Variants in RMST observed in about 807,000 individuals in gnomAD.
RMST encodes long intergenic non-protein coding RNA 54.
rs185483993 is a variant in RMST, at chr12:97,521,494, T to C, written n.1341-9161T>C. ...ATTTAGGAAATATCAGAATACATTT[T>C]TTCCTTAGTTACACTGAGATATAAA... is the stretch of plus-strand genomic sequence containing the variant. On this transcript the variant is annotated intron_variant and non_coding_transcript_variant, in intron 10 of 13. Transcript: ENST00000640149. Among the ~76,000 whole-genome samples, 9 of 152,310 alleles carry C rather than the reference T, an allele frequency of 5.9e-5. No homozygotes were observed. The East Asian group carries it at 1.7e-3, about 29-fold the overall frequency.
exon 14 of RMST, chr12:97,564,511 T>A (rs1884388157): frequency 6.6e-6 from 1 of 152,592 alleles, no homozygotes; most frequent in Non-Finnish European, 1.5e-5. Context: ...GGGCAAATGA[T>A]ATAAACTCTA....
intron 11 of RMST, among the ~76,000 whole-genome samples, chr12:97,532,347 T>C (rs117482844): frequency 0.029 from 4,358 of 152,046 alleles, 131 homozygotes; most frequent in Non-Finnish European, 0.037. Context: ...AAATATTTCC[T>C]CTGTTATTCA....
chr12:97,507,287 T>TA (rs143392654), intron 10 of RMST, among the ~76,000 whole-genome samples: 77 of 145,556 alleles, frequency 5.3e-4, no homozygotes, highest in Admixed American at 2.3e-3. Context: ...TTTTTTTTTT[T>TA]AAAAAAAAAA....
At chr12:97,561,984 G>A (rs766530553) in intron 13 of RMST, among the ~76,000 whole-genome samples, 12 of 152,036 alleles carry the variant, frequency 7.9e-5, no homozygotes, top group Non-Finnish European at 1.2e-4. Context: ...AAGGCATTTT[G>A]AGTGCCCTCC....
Position 97,496,956 on chromosome 12 carries a change from T to C in RMST, n.1340+900T>C, listed in dbSNP as rs1877498604. ...AGTTCTGAGATGTGTCAGATGACAG[T>C]GATAATATCATAACTCATTTTATGA... On this transcript the variant is annotated intron_variant and non_coding_transcript_variant, in intron 10 of 13. Coordinates refer to ENST00000640149, the Ensembl canonical transcript of RMST. Among the ~76,000 whole-genome samples the C allele has an allele frequency of 2.6e-5, 4 of 152,284 alleles. No individual in the cohort carries two copies. The South Asian group carries it at 8.3e-4, about 32-fold the overall frequency.
At chr12:97,511,054 A>G (rs1879231514) in intron 10 of RMST, among the ~76,000 whole-genome samples, 1 of 151,992 alleles carries the variant, frequency 6.6e-6, no homozygotes, top group Admixed American at 6.5e-5. Flanking sequence ...TTGTGTTATT[A>G]TTTTTGTTTG....
intron 11 of RMST, among the ~76,000 whole-genome samples, chr12:97,550,069 A>G (rs1352750053): frequency 3.9e-5 from 6 of 152,228 alleles, no homozygotes; most frequent in Non-Finnish European, 8.8e-5. Flanking sequence ...AGAATATCAA[A>G]TGGTATCATT....
intron 13 of RMST, among the ~76,000 whole-genome samples, chr12:97,562,930 G>C (rs979632277): frequency 2.6e-5 from 4 of 152,186 alleles, no homozygotes; most frequent in Admixed American, 6.5e-5. Flanking sequence ...AAATAAAGCA[G>C]AGGGCAGTGC....
At chr12:97,519,299 G>GAGC (rs1403752808) in intron 10 of RMST, among the ~76,000 whole-genome samples, 4 of 152,178 alleles carry the variant, frequency 2.6e-5, no homozygotes, top group Non-Finnish European at 5.9e-5. Flanking sequence ...GACTATGAAG[G>GAGC]AGCAGGTCAG....
chr12:97,556,142 A>G (rs536598650), intron 11 of RMST, among the ~76,000 whole-genome samples: 1 of 152,276 alleles, frequency 6.6e-6, no homozygotes, highest in East Asian at 1.9e-4. Context: ...TAGCTTTTAA[A>G]TTTCATCCCA....
At chr12:97,494,287 A>G (rs920667968) in intron 8 of RMST, among the ~76,000 whole-genome samples, 1 of 152,188 alleles carries the variant, frequency 6.6e-6, no homozygotes, top group African/African-American at 2.4e-5. Flanking sequence ...GATTAAGGAA[A>G]ATAATTTAGG....
chr12:97,499,158 G>A (rs977709148), intron 10 of RMST, among the ~76,000 whole-genome samples: 2 of 151,746 alleles, frequency 1.3e-5, no homozygotes, highest in Non-Finnish European at 2.9e-5. Flanking sequence ...TTATATCTGT[G>A]GGTTTTGTAT....
At chr12:97,563,680 A>T in intron 13 of RMST, 1 of 416,564 alleles carries the variant, frequency 2.4e-6, no homozygotes, top group South Asian at 1.8e-5. Context: ...TTAATTCGTG[A>T]TGTCACAATT....
intron 11 of RMST, among the ~76,000 whole-genome samples, chr12:97,538,210 G>A (rs1211185829): frequency 6.6e-6 from 1 of 151,330 alleles, no homozygotes; most frequent in Non-Finnish European, 1.5e-5. Flanking sequence ...CAATTCACAG[G>A]ACTGAAAGGT....
intron 10 of RMST, among the ~76,000 whole-genome samples, chr12:97,524,075 C>CAGAG (rs57255256): frequency 0.053 from 2,950 of 56,124 alleles, 870 homozygotes; most frequent in East Asian, 0.13. Context: ...GACTCTGTCT[C>CAGAG]AAAAAAAAAA....
intron 10 of RMST, among the ~76,000 whole-genome samples, chr12:97,510,128 A>C (rs1879125550): frequency 6.6e-6 from 1 of 152,240 alleles, no homozygotes; most frequent in South Asian, 2.1e-4. Flanking sequence ...TTTATGGAAG[A>C]CATAGTAAGT....
chr12:97,493,764 T>A (rs183500420), intron 7 of RMST: 2 of 152,346 alleles, frequency 1.3e-5, no homozygotes, highest in Admixed American at 1.3e-4. Flanking sequence ...TAATTTGTGC[T>A]ATAATTTTTA....
chr12:97,539,624 A>G (rs1882349711), intron 11 of RMST, among the ~76,000 whole-genome samples: 1 of 151,644 alleles, frequency 6.6e-6, no homozygotes, highest in Non-Finnish European at 1.5e-5. Flanking sequence ...TAAATATTTT[A>G]GTAAAGTTTT....
chr12:97,471,774 G>A (rs1254441102), intron 5 of RMST, among the ~76,000 whole-genome samples: 1 of 152,116 alleles, frequency 6.6e-6, no homozygotes, highest in Admixed American at 6.6e-5. Flanking sequence ...CCATAAGAAC[G>A]CACAACATGC....
Sources: gnomAD v4.1 joint callset for allele counts (sites outside exome capture counted in the v4.1 genomes callset) on GRCh38, gnomAD v4.1.1 for gene constraint, MANE v1.5 for transcripts, NCBI Gene and HGNC (gene_info 2026-07-23, HGNC 2026-07-21) for gene names.